Variants in GOLPH3L observed in about 807,000 individuals in gnomAD.
The protein encoded by GOLPH3L is golgi phosphoprotein 3 like.
A neutral mutation model predicts 30.3 loss-of-function variants in GOLPH3L; 22 were observed. The observed-to-expected ratio is 0.73, with a 90% CI of 0.52 to 1.04. The LOEUF is 1.04. Among genes scored for constraint, GOLPH3L ranks in the 50% least tolerant of loss-of-function variants. GOLPH3L has a pLI of 0.00. For missense variants in GOLPH3L, 303 were observed against 345.8 expected, an observed-to-expected ratio of 0.88 and a Z score of 0.98; for synonymous variants, 120 against 128.2, an observed-to-expected ratio of 0.94 and a Z score of 0.43.
intron 2 of GOLPH3L, among the ~76,000 whole-genome samples, chr1:150,690,126 G>A (rs1189313957): frequency 2.0e-5 from 3 of 151,878 alleles, no homozygotes; most frequent in Non-Finnish European, 4.4e-5. Context: ...AGCTGAAACT[G>A]CAGGTATGTG....
At chr1:150,659,089 A>C (rs925355075) in intron 4 of GOLPH3L, among the ~76,000 whole-genome samples, 1 of 152,228 alleles carries the variant, frequency 6.6e-6, no homozygotes. Context: ...CTTTGATTTC[A>C]ATGATAATTG....
chr1:150,689,885 G>A (rs920685044), intron 2 of GOLPH3L, among the ~76,000 whole-genome samples: 6 of 151,910 alleles, frequency 3.9e-5, no homozygotes, highest in East Asian at 1.9e-4. Flanking sequence ...TGATTTGCCC[G>A]CCTCAAACCT....
intron 2 of GOLPH3L, among the ~76,000 whole-genome samples, chr1:150,667,107 T>A (rs1340535474): frequency 1.3e-5 from 2 of 152,144 alleles, no homozygotes; most frequent in Non-Finnish European, 2.9e-5. Flanking sequence ...ACCTCAACCA[T>A]CAAGTTTATT....
chr1:150,673,578 C>A (rs116827656), intron 2 of GOLPH3L, among the ~76,000 whole-genome samples: 18 of 57,114 alleles, frequency 3.2e-4, no homozygotes, highest in Middle Eastern at 0.01. Context: ...AAAAACAAAA[C>A]AAAACAAAAA....
At chr1:150,685,942 T>G (rs76713729) in intron 2 of GOLPH3L, among the ~76,000 whole-genome samples, 2,788 of 146,482 alleles carry the variant, frequency 0.019, 88 homozygotes, top group African/African-American at 0.067. Flanking sequence ...TGGCGCAACC[T>G]TGGCTCACTG....
intron 2 of GOLPH3L, among the ~76,000 whole-genome samples, chr1:150,672,247 T>G (rs1650663791): frequency 6.6e-6 from 1 of 152,192 alleles, no homozygotes. Flanking sequence ...AAAACTAATT[T>G]TATTATTTTT....
chr1:150,652,469 A>G (rs1279993058), intron 4 of GOLPH3L, among the ~76,000 whole-genome samples: 2 of 151,752 alleles, frequency 1.3e-5, no homozygotes, highest in African/African-American at 4.8e-5. Flanking sequence ...GAGAAAAAAT[A>G]AATACATTCC....
chr1:150,653,186 AAAAAG>A (rs1318053910), intron 4 of GOLPH3L, among the ~76,000 whole-genome samples: 1 of 151,336 alleles, frequency 6.6e-6, no homozygotes, highest in East Asian at 1.9e-4. Context: ...AAAAAAAAAA[AAAAAG>A]AAAAGAAACA....
At chr1:150,691,836 T>A (rs1164917076) in intron 2 of GOLPH3L, among the ~76,000 whole-genome samples, 1 of 152,196 alleles carries the variant, frequency 6.6e-6, no homozygotes, top group Non-Finnish European at 1.5e-5. Flanking sequence ...ATATACATGT[T>A]GTATAACAAT....
At chr1:150,672,989 G>T (rs1457881186) in intron 2 of GOLPH3L, among the ~76,000 whole-genome samples, 1 of 151,870 alleles carries the variant, frequency 6.6e-6, no homozygotes, top group Non-Finnish European at 1.5e-5. Flanking sequence ...GTTTTTGCAG[G>T]GCTTCTGTTT....
Position 150,664,493 on chromosome 1 carries a change from G to A in GOLPH3L, c.184-730C>T, listed in dbSNP as rs189661874. On this transcript the variant is annotated intron_variant, in intron 2 of 4. Transcript: ENST00000271732. ...TTTTGAGATGGAGGCTTGCTCTGTC[G>A]CCCAGGCTGGAGTGCAGTGACGTGA... Among the ~76,000 whole-genome samples, 160 of 151,432 alleles carry A rather than the reference G, an allele frequency of 1.1e-3. 1 individual carries two copies. The highest frequency in any genetic ancestry group is 4.0e-3 in the South Asian group (19 of 4,780).
At chr1:150,696,788 A>AG (rs1025330962) in intron 1 of GOLPH3L, among the ~76,000 whole-genome samples, 52 of 2,062 alleles carry the variant, frequency 0.025, no homozygotes, top group African/African-American at 0.046. Context: ...TTCGCGGGGC[A>AG]GGGGGGGAGG....
At chr1:150,649,569 CAG>C (rs980142644) in intron 4 of GOLPH3L, among the ~76,000 whole-genome samples, 1 of 152,152 alleles carries the variant, frequency 6.6e-6, no homozygotes, top group African/African-American at 2.4e-5. Flanking sequence ...ACCAGAGAAA[CAG>C]AAAGCCAAGA....
intron 3 of GOLPH3L, among the ~76,000 whole-genome samples, chr1:150,662,376 A>G (rs1650386236): frequency 6.6e-6 from 1 of 151,946 alleles, no homozygotes; most frequent in Admixed American, 6.5e-5. Flanking sequence ...AAATAAATAA[A>G]TAAATAAATA....
chr1:150,694,484 T>G (rs1466390142), intron 2 of GOLPH3L, 172 bp downstream of exon 2: 2 of 507,978 alleles, frequency 3.9e-6, no homozygotes, highest in Non-Finnish European at 6.9e-6. Context: ...ATTCTACTTC[T>G]GGATTTTTAC....
rs1395958341 is a variant in GOLPH3L at position 150,663,645 on chromosome 1, A to G, written c.302T>C (p.Leu101Pro). Residue 101 changes from leucine (L) to proline (P), a missense_variant, in exon 3 of 5, where the codon CTA (leucine) becomes CCA (proline). Transcript: ENST00000271732. ...LEPPTMRKKRLLDRKVLLKSD... is the reference protein window; with the variant it reads ...LEPPTMRKKRPLDRKVLLKSD... ...AGGATTCAGTACCTTTCTGTCTAGT[A>G]GTCGCTTCTTACGCATGGTCGGGGG... 9 of 1,613,304 alleles carry G rather than the reference A, an allele frequency of 5.6e-6. No homozygotes were observed. The highest frequency in any genetic ancestry group is 7.6e-6 in the Non-Finnish European group (9 of 1,179,498).
At chr1:150,656,681 T>C (rs1001595680) in intron 4 of GOLPH3L, among the ~76,000 whole-genome samples, 1 of 152,158 alleles carries the variant, frequency 6.6e-6, no homozygotes, top group South Asian at 2.1e-4. Context: ...GCTACCATGA[T>C]AGGAAATGGG....
At chr1:150,679,552 A>T (rs1650900879) in intron 2 of GOLPH3L, among the ~76,000 whole-genome samples, 1 of 152,202 alleles carries the variant, frequency 6.6e-6, no homozygotes, top group Non-Finnish European at 1.5e-5. Context: ...CAATCCTAGC[A>T]CTTTGGGAGA....
intron 2 of GOLPH3L, among the ~76,000 whole-genome samples, chr1:150,684,675 AT>A (rs947626025): frequency 6.7e-6 from 1 of 149,674 alleles, no homozygotes. Flanking sequence ...GATTATTTTA[AT>A]TTTTTTTTTG....
Sources: gnomAD v4.1 joint callset for allele counts (sites outside exome capture counted in the v4.1 genomes callset) on GRCh38, gnomAD v4.1.1 for gene constraint, MANE v1.5 for transcripts, NCBI Gene and HGNC (gene_info 2026-07-23, HGNC 2026-07-21) for gene names.